The following PIK3R5 variants were observed in gnomAD, a reference collection of about 807,000 sequenced individuals.
PIK3R5 encodes the protein phosphoinositide-3-kinase regulatory subunit 5.
PIK3R5 carries 32 observed loss-of-function variants against 94.9 expected under a neutral mutation model. That is an observed-to-expected ratio of 0.34 (90% confidence interval 0.25 to 0.45). The LOEUF (loss-of-function observed/expected upper bound fraction) is 0.45. PIK3R5 is among the 20% of genes least tolerant of loss of function. The pLI, the probability that PIK3R5 is intolerant of heterozygous loss-of-function variation, is 1.00. For missense variants in PIK3R5, 853 were observed against 1,144.6 expected, an observed-to-expected ratio of 0.75 and a Z score of 3.68; for synonymous variants, 443 against 479.4, an observed-to-expected ratio of 0.92 and a Z score of 0.99.
At position 8,881,209 on chromosome 17, in the gene PIK3R5, C is replaced by A. The variant is rs1255471752; in HGVS notation, c.2383-192G>T. On this transcript the variant is annotated intron_variant, in intron 17 of 18. Coordinates refer to ENST00000447110, the MANE Select transcript of PIK3R5 (RefSeq NM_001142633.3). The surrounding 1 kb of genome is among the most constrained non-coding windows in gnomAD (Gnocchi z 4.8). The stretch of plus-strand genomic sequence containing the variant: ...AGGCCTCCATCAGCCCCTGCCTCCT[C>A]TCCAGCATCTGGAAGAAGCAAGTGC... Among the ~76,000 whole-genome samples the A allele has an allele frequency of 6.6e-6, 1 of 152,150 alleles. No homozygotes were observed. The highest frequency in any genetic ancestry group is 1.5e-5 in the Non-Finnish European group (1 of 68,014).
intron 1 of PIK3R5, among the ~76,000 whole-genome samples, chr17:8,929,844 A>G (rs2090956638): frequency 6.6e-6 from 1 of 152,044 alleles, no homozygotes; most frequent in Non-Finnish European, 1.5e-5. Flanking sequence ...GGGATGAAAA[A>G]CCAACTACTG....
At chr17:8,912,161 T>A (rs999295650) in intron 1 of PIK3R5, among the ~76,000 whole-genome samples, 1 of 152,038 alleles carries the variant, frequency 6.6e-6, no homozygotes, top group Admixed American at 6.5e-5. Context: ...ATCCAAGGGG[T>A]GCTTAGCTGA....
At position 8,905,670 on chromosome 17, in the gene PIK3R5, C is replaced by T. The variant is rs1461351110; in HGVS notation, c.272G>A (p.Cys91Tyr). The T allele has an allele frequency of 6.2e-7, 1 of 1,600,322 alleles. No homozygotes were observed. Among genetic ancestry groups the T allele is most frequent in the Non-Finnish European group, 8.5e-7 (1 of 1,173,474 alleles). Residue 91 changes from cysteine to tyrosine, a missense_variant and splice_region_variant, in exon 4 of 19, where the codon TGT becomes TAT. Around this residue, in one of 6 missense-constraint regions of PIK3R5, gnomAD observed 108 missense variants for 170.1 expected, o/e 0.63. Coordinates refer to ENST00000447110, the MANE Select transcript of PIK3R5 (RefSeq NM_001142633.3). Reference protein sequence around the residue: ...LALLFYSTVLCTPHFPPDSDL... With the variant: ...LALLFYSTVLYTPHFPPDSDL... ...GCATCCTGGCCCACGTGGACTTACACAAAGAACAGTGGAATAGAAGAGCAG... is the reference window on the plus strand; with the variant it reads ...GCATCCTGGCCCACGTGGACTTACATAAAGAACAGTGGAATAGAAGAGCAG...
At chr17:8,947,594 G>A (rs2091297383) in intron 1 of PIK3R5, among the ~76,000 whole-genome samples, 1 of 152,190 alleles carries the variant, frequency 6.6e-6, no homozygotes, top group African/African-American at 2.4e-5. Context: ...ATTAAGCTCT[G>A]AAGGCAAGTC....
Position 8,880,934 on chromosome 17 carries a change from A to G in PIK3R5, c.2466T>C (p.Asp822=). ...SCPFAVCLDQ[D]ERKILQSVVR... ...CTACACTCTGCAGGATCTTTCTCTC[A>G]TCCTGGTCCAGGCACACAGCAAAGG... is the stretch of plus-strand genomic sequence containing the variant. Residue 822 remains aspartate, a synonymous_variant, in exon 18 of 19, where the codon GAT becomes GAC. Coordinates refer to ENST00000447110, the MANE Select transcript of PIK3R5 (RefSeq NM_001142633.3). 1 of 1,613,964 alleles carries G rather than the reference A, an allele frequency of 6.2e-7. No individual in the cohort carries two copies. The highest frequency in any genetic ancestry group is 8.5e-7 in the Non-Finnish European group (1 of 1,179,930).
intron 1 of PIK3R5, among the ~76,000 whole-genome samples, chr17:8,939,018 T>A (rs1260645935): frequency 6.6e-6 from 1 of 152,186 alleles, no homozygotes; most frequent in African/African-American, 2.4e-5. Context: ...CATAAGCTGG[T>A]GCCACCGCCA....
intron 1 of PIK3R5, among the ~76,000 whole-genome samples, chr17:8,919,959 G>A (rs968085988): frequency 1.4e-5 from 2 of 143,258 alleles, no homozygotes; most frequent in African/African-American, 5.2e-5. Context: ...GCGTGATCTC[G>A]GCTCACTGCA....
At chr17:8,924,610 C>A (rs79290959) in intron 1 of PIK3R5, among the ~76,000 whole-genome samples, 2,157 of 152,236 alleles carry the variant, frequency 0.014, 54 homozygotes, top group African/African-American at 0.049. Flanking sequence ...GTCTTCTCTC[C>A]ATTAATCCAA....
intron 1 of PIK3R5, among the ~76,000 whole-genome samples, chr17:8,963,300 T>C (rs886081): frequency 0.84 from 127,180 of 152,106 alleles, 53,388 homozygotes; most frequent in African/African-American, 0.86. Flanking sequence ...GAGTGCTCAG[T>C]GGAACCCAAG....
At position 8,890,666 on chromosome 17, in the gene PIK3R5, A is replaced by T; in HGVS notation, c.657+72T>A. On this transcript the variant is annotated intron_variant, in intron 7 of 18. Coordinates refer to ENST00000447110, the MANE Select transcript of PIK3R5 (RefSeq NM_001142633.3). The surrounding 1 kb of genome is among the most constrained non-coding windows in gnomAD (Gnocchi z 6.1). ...AAGTGTACCCTGGAGACCGTGGCTG[A>T]GATGAAGCAGGGAGAGGGTGCTACC... 7.5e-7 allele frequency: 1 copy of T among 1,336,724 alleles called. No homozygotes were observed. Among genetic ancestry groups the T allele is most frequent in the Non-Finnish European group, 1.0e-6 (1 of 972,496 alleles). The allele number at this position is 1,336,724 out of a possible 1,614,324, so 82.8% of individuals were successfully genotyped here. A position where few individuals can be genotyped will look rare whatever the true frequency, so the allele number is the denominator to read the frequency against.
intron 2 of PIK3R5, among the ~76,000 whole-genome samples, chr17:8,910,911 C>T (rs73973263): frequency 5.1e-4 from 77 of 152,150 alleles, no homozygotes; most frequent in African/African-American, 1.7e-3. Flanking sequence ...CCCGGGACTG[C>T]GGACACCCTG....
intron 1 of PIK3R5, among the ~76,000 whole-genome samples, chr17:8,932,237 T>C (rs2151442460): frequency 6.6e-6 from 1 of 152,154 alleles, no homozygotes; most frequent in Admixed American, 6.5e-5. Context: ...TGGAAACCTT[T>C]TTTTTTTTAT....
At chr17:8,938,256 G>T (rs1226924580) in intron 1 of PIK3R5, among the ~76,000 whole-genome samples, 1 of 152,154 alleles carries the variant, frequency 6.6e-6, no homozygotes, top group East Asian at 1.9e-4. Flanking sequence ...AGTTTTAATA[G>T]AAATAAGAAA....
At chr17:8,919,920 C>T (rs567933205) in intron 1 of PIK3R5, among the ~76,000 whole-genome samples, 45 of 124,368 alleles carry the variant, frequency 3.6e-4, no homozygotes, top group East Asian at 7.1e-4. Flanking sequence ...GACGGAGTCT[C>T]GCTCTTTTGC....
At position 8,925,587 on chromosome 17, in the gene PIK3R5, G is replaced by T. The variant is rs1371801564; in HGVS notation, c.-13-14080C>A. On this transcript the variant is annotated intron_variant, in intron 1 of 18. Coordinates refer to ENST00000447110, the MANE Select transcript of PIK3R5 (RefSeq NM_001142633.3). The surrounding 1 kb of genome is among the most constrained non-coding windows in gnomAD (Gnocchi z 5.1). Reference sequence around the variant, plus strand: ...AGATAGAGAAAAAAGGAACACACATGCATACAATCCAAACTGAAACCAACA... The same window carrying T: ...AGATAGAGAAAAAAGGAACACACATTCATACAATCCAAACTGAAACCAACA... 6.6e-6 allele frequency among the ~76,000 whole-genome samples: 1 copy of T among 152,168 alleles called. No homozygotes were observed. Among genetic ancestry groups the T allele is most frequent in the Admixed American group, 6.5e-5 (1 of 15,278 alleles).
At position 8,886,495 on chromosome 17, in the gene PIK3R5, C is replaced by G; in HGVS notation, c.2016G>C (p.Leu672=). The change falls in exon 13 of 19, where the codon CTG becomes CTC. Residue 672 remains leucine, a synonymous_variant. Transcript: ENST00000447110. The part of the protein sequence containing the change: ...YCRFAARPVL[L]QVYQTELTFI... ...GCCTTACCTCGGTCTGATAGACTTGCAGCAGCACCGGTCTGGCGGCAAAGC... is the reference window on the plus strand; with the variant it reads ...GCCTTACCTCGGTCTGATAGACTTGGAGCAGCACCGGTCTGGCGGCAAAGC... 6.2e-7 allele frequency: 1 copy of G among 1,607,660 alleles called. No individual in the cohort carries two copies. The highest frequency in any genetic ancestry group is 8.5e-7 in the Non-Finnish European group (1 of 1,176,638).
rs191198421 is a variant in PIK3R5 at position 8,919,766 on chromosome 17, G to A, written c.-13-8259C>T. ...ATGAGTTAACATAGACAAATGTGTG[G>A]AAACATTCCCAGTGCATAACAAACA... On this transcript the variant is annotated intron_variant, in intron 1 of 18. Coordinates refer to ENST00000447110, the MANE Select transcript of PIK3R5 (RefSeq NM_001142633.3). Among the ~76,000 whole-genome samples the A allele has an allele frequency of 4.6e-5, 7 of 152,154 alleles. No individual in the cohort carries two copies. In the East Asian group the frequency reaches 1.4e-3, roughly 29 times the overall value.
At chr17:8,964,144 A>G (rs1186999775) in intron 1 of PIK3R5, among the ~76,000 whole-genome samples, 3 of 152,074 alleles carry the variant, frequency 2.0e-5, no homozygotes, top group African/African-American at 7.2e-5. Flanking sequence ...TAATCCCAGC[A>G]CTTTGGAAGG....
At chr17:8,939,490 C>G (rs1001848374) in intron 1 of PIK3R5, among the ~76,000 whole-genome samples, 8 of 152,176 alleles carry the variant, frequency 5.3e-5, no homozygotes, top group Admixed American at 3.3e-4. Flanking sequence ...CTCATTAACA[C>G]ATGAAATAAT....
Sources: gnomAD v4.1 joint callset for allele counts (sites outside exome capture counted in the v4.1 genomes callset) on GRCh38, gnomAD v4.1.1 for gene constraint, gnomAD v4.1.1 regional missense constraint, Gnocchi (gnomAD v3.1) non-coding constraint, MANE v1.5 for transcripts, NCBI Gene and HGNC (gene_info 2026-07-23, HGNC 2026-07-21) for gene names.